The following CNGB3 variants were observed in gnomAD, a reference collection of about 807,000 sequenced individuals.
The protein encoded by CNGB3 is cyclic nucleotide gated channel subunit beta 3.
Under a neutral mutation model 92.8 loss-of-function variants are expected in CNGB3, and 86 were observed. The observed-to-expected ratio is 0.93, with a 90% CI of 0.78 to 1.11. The LOEUF is 1.11. CNGB3 is among the 50% of genes least tolerant of loss of function. The pLI, the probability that CNGB3 is intolerant of heterozygous loss-of-function variation, is 0.00. For missense variants in CNGB3, 1,026 were observed against 956.8 expected, an observed-to-expected ratio of 1.07 and a Z score of -0.95; for synonymous variants, 333 against 332.7, an observed-to-expected ratio of 1.00 and a Z score of -0.01.
chr8:86,593,440 A>G (rs573063268), intron 15 of CNGB3, among the ~76,000 whole-genome samples: 3 of 152,358 alleles, frequency 2.0e-5, no homozygotes, highest in South Asian at 4.1e-4. Flanking sequence ...CCAGGTAACT[A>G]TGTGAAATAT....
At chr8:86,669,311 T>C (rs949349534) in intron 4 of CNGB3, among the ~76,000 whole-genome samples, 1 of 152,090 alleles carries the variant, frequency 6.6e-6, no homozygotes, top group Non-Finnish European at 1.5e-5. Context: ...TATCTTAAAG[T>C]ATACAATAAA....
intron 17 of CNGB3, among the ~76,000 whole-genome samples, chr8:86,576,659 C>G (rs568509664): frequency 6.6e-6 from 1 of 152,112 alleles, no homozygotes; most frequent in African/African-American, 2.4e-5. Flanking sequence ...TTGTACCTAT[C>G]GTGTTTAGCA....
intron 3 of CNGB3, among the ~76,000 whole-genome samples, chr8:86,701,724 G>A (rs1824560733): frequency 6.6e-6 from 1 of 152,070 alleles, no homozygotes; most frequent in Non-Finnish European, 1.5e-5. Context: ...TCTCATGGTA[G>A]ATTTTATTTT....
At chr8:86,688,329 T>G (rs889630948) in intron 3 of CNGB3, among the ~76,000 whole-genome samples, 1 of 152,050 alleles carries the variant, frequency 6.6e-6, no homozygotes, top group East Asian at 1.9e-4. Context: ...TGGACAAATA[T>G]TACCTGAAGA....
rs1053025213 is a variant in CNGB3 at position 86,678,726 on chromosome 8, T to A, written c.339-7628A>T. On this transcript the variant is annotated intron_variant, in intron 3 of 17. Transcript: ENST00000320005. ...TAATGGTACCTAACCCTGTTTAAAG[T>A]TAGTCAACCATTTTAAGGCTAAAGT... is the stretch of plus-strand genomic sequence containing the variant. Among the ~76,000 whole-genome samples the A allele has an allele frequency of 2.6e-5, 4 of 152,278 alleles. No individual in the cohort carries two copies. The South Asian group carries it at 8.3e-4, about 32-fold the overall frequency.
intron 10 of CNGB3, among the ~76,000 whole-genome samples, chr8:86,639,161 T>C (rs1196822655): frequency 3.1e-5 from 1 of 32,108 alleles, no homozygotes; most frequent in Non-Finnish European, 4.6e-5. Context: ...TTACTTCTCT[T>C]TTTTTCAAAG....
chr8:86,659,701 G>A, intron 6 of CNGB3: 2 of 407,632 alleles, frequency 4.9e-6, no homozygotes, highest in Admixed American at 3.1e-5. Flanking sequence ...GTAATACAGA[G>A]CTGTCCATAA....
chr8:86,733,945 G>A (rs1207232978), intron 2 of CNGB3, among the ~76,000 whole-genome samples: 3 of 152,180 alleles, frequency 2.0e-5, no homozygotes, highest in African/African-American at 7.2e-5. Flanking sequence ...ATAGCTCACT[G>A]TAACCACAAA....
intron 4 of CNGB3, among the ~76,000 whole-genome samples, chr8:86,669,300 A>G (rs1823811266): frequency 6.6e-6 from 1 of 152,240 alleles, no homozygotes; most frequent in Non-Finnish European, 1.5e-5. Context: ...ATCATGTTGT[A>G]TATCTTAAAG....
intron 10 of CNGB3, among the ~76,000 whole-genome samples, chr8:86,635,418 T>C (rs1823043061): frequency 6.6e-6 from 1 of 152,106 alleles, no homozygotes. Context: ...TAAGAATTAC[T>C]TTCTCCCATT....
intron 15 of CNGB3, chr8:86,593,641 C>A: frequency 2.0e-6 from 1 of 505,216 alleles, no homozygotes; most frequent in Non-Finnish European, 3.7e-6. Context: ...GTGGGGTTCC[C>A]CACTGAGGTG....
At chr8:86,683,841 A>C (rs1397654991) in intron 3 of CNGB3, among the ~76,000 whole-genome samples, 1 of 152,204 alleles carries the variant, frequency 6.6e-6, no homozygotes, top group African/African-American at 2.4e-5. Context: ...AAATTAACTC[A>C]AAATGGATCA....
intron 14 of CNGB3, among the ~76,000 whole-genome samples, chr8:86,610,988 A>G (rs917649581): frequency 1.3e-5 from 2 of 152,246 alleles, no homozygotes; most frequent in Admixed American, 1.3e-4. Flanking sequence ...GAACATATGT[A>G]CAGTATGATG....
intron 15 of CNGB3, chr8:86,593,749 C>T: frequency 8.0e-7 from 1 of 1,247,526 alleles, no homozygotes; most frequent in Non-Finnish European, 1.1e-6. Flanking sequence ...AGAAGCGTCA[C>T]CAGCTCAGGA....
chr8:86,594,152 AC>A, intron 15 of CNGB3: 1 of 285,472 alleles, frequency 3.5e-6, no homozygotes, highest in South Asian at 3.5e-5. Flanking sequence ...ACAGCATCCA[AC>A]GGGGAATGTG....
rs983295001 is a variant in CNGB3, at chr8:86,629,140, T to A, written c.1321-62A>T. ...AGGAAATGAGTTAATAAAAGTCAAA[T>A]TACATGTTTTCCACATGATATACTT... On this transcript the variant is annotated intron_variant, in intron 11 of 17. Transcript: ENST00000320005. The A allele has an allele frequency of 6.9e-5, 108 of 1,559,844 alleles. 1 individual carries two copies. The Middle Eastern group carries it at 1.5e-3, about 22-fold the overall frequency.
chr8:86,575,832 A>G lies in CNGB3; in HGVS notation c.2402T>C (p.Ile801Thr), dbSNP rs1313015474. 6.2e-7 allele frequency: 1 copy of G among 1,613,920 alleles called. No individual in the cohort carries two copies. Among genetic ancestry groups the G allele is most frequent in the Non-Finnish European group, 8.5e-7 (1 of 1,179,948 alleles). The change falls in exon 18 of 18, where the codon ATT becomes ACT. Residue 801 changes from isoleucine (I) to threonine (T), a missense_variant. Coordinates refer to ENST00000320005, the MANE Select transcript of CNGB3 (RefSeq NM_019098.5). ...TTGCTTAGCCTTTTCTTTGACTTCA[A>G]TAGTAAGAACCTCTTCTCCGCCCTC... ...SAEGGEEVLTIEVKEKAKQ is the reference protein window; with the variant it reads ...SAEGGEEVLTTEVKEKAKQ
At chr8:86,666,840 T>C (rs764556921) in intron 6 of CNGB3, 85 bp downstream of exon 6, 270 of 1,094,930 alleles carry the variant, frequency 2.5e-4, no homozygotes, top group Non-Finnish European at 3.4e-4. Flanking sequence ...CAGTCAAACA[T>C]TAAATAAAAC....
At chr8:86,661,951 C>T in intron 6 of CNGB3, 2 of 645,190 alleles carry the variant, frequency 3.1e-6, no homozygotes, top group South Asian at 3.6e-5. Flanking sequence ...GAGGCTCAAC[C>T]CATCATGGAA....
Sources: gnomAD v4.1 joint callset for allele counts (sites outside exome capture counted in the v4.1 genomes callset) on GRCh38, gnomAD v4.1.1 for gene constraint, MANE v1.5 for transcripts, NCBI Gene and HGNC (gene_info 2026-07-23, HGNC 2026-07-21) for gene names.